The following VOPP1 variants were observed in gnomAD, a reference collection of about 807,000 sequenced individuals.
VOPP1 encodes the protein VOPP1 WW domain binding protein, also known as WW domain binding protein VOPP1.
In VOPP1, 8 loss-of-function variants were observed where a neutral mutation model predicts 23.5. That is an observed-to-expected ratio of 0.34 (90% CI 0.20 to 0.61). VOPP1 has a LOEUF of 0.61. Among genes scored for constraint, VOPP1 ranks in the 20% least tolerant of loss-of-function variants. The pLI is 0.78. For synonymous variants in VOPP1, 83 were observed against 97.3 expected (o/e 0.85, Z 0.86); for missense variants, 174 against 238.1 (o/e 0.73, Z 1.77).
chr7:55,526,975 A>G (rs1796228404), intron 1 of VOPP1: 1 of 152,248 alleles, frequency 6.6e-6, no homozygotes, highest in Non-Finnish European at 1.5e-5. Flanking sequence ...TTTCAGCTTG[A>G]GCCCAATTAG....
At chr7:55,477,500 C>A (rs1055099424) in intron 4 of VOPP1, among the ~76,000 whole-genome samples, 1 of 152,210 alleles carries the variant, frequency 6.6e-6, no homozygotes, top group African/African-American at 2.4e-5. Context: ...AAGGCCGTGG[C>A]TCCTGTCGAG....
chr7:55,570,845 A>C (rs980786435), intron 1 of VOPP1, among the ~76,000 whole-genome samples: 1 of 152,036 alleles, frequency 6.6e-6, no homozygotes, highest in African/African-American at 2.4e-5. Context: ...GGGAGGCTGA[A>C]GCAGGAGAAT....
At chr7:55,547,822 T>G (rs116977725) in intron 1 of VOPP1, among the ~76,000 whole-genome samples, 1,649 of 152,296 alleles carry the variant, frequency 0.011, 11 homozygotes, top group Middle Eastern at 0.02. Flanking sequence ...TCTTTTCCAT[T>G]TTACCACACT....
intron 1 of VOPP1, chr7:55,562,085 G>C (rs1442391493): frequency 5.7e-6 from 4 of 702,790 alleles, no homozygotes; most frequent in African/African-American, 1.7e-5. Flanking sequence ...GGCTCCAGGT[G>C]CAGGTAATTG....
In VOPP1 at chr7:55,472,950, G is replaced by A. The variant is rs764361423; in HGVS notation, c.424C>T (p.Pro142Ser). 1.8e-5 allele frequency: 28 copies of A among 1,586,376 alleles called. No individual in the cohort carries two copies. Among genetic ancestry groups the A allele is most frequent in the Admixed American group, 5.6e-5 (3 of 53,184 alleles). The change falls in exon 5 of 5, where the codon CCC (proline) becomes TCC (serine). Residue 142 changes from proline (P) to serine (S), a missense_variant. Transcript: ENST00000285279. The stretch of plus-strand genomic sequence containing the variant: ...GCCACACTCCCCTGGGGTGAGTTGG[G>A]TGGGACCTGGAAAGCCATTGCCATG... Reference protein sequence around the residue: ...NSMAMAFQVPPNSPQGSVACP... With the variant: ...NSMAMAFQVPSNSPQGSVACP...
downstream of VOPP1, among the ~76,000 whole-genome samples, chr7:55,435,239 G>T (rs944312186): frequency 1.3e-5 from 2 of 152,158 alleles, no homozygotes; most frequent in African/African-American, 4.8e-5. Context: ...TGGAGAGAGG[G>T]TTCCCAGTTT....
chr7:55,512,100 A>G (rs1172001494), intron 2 of VOPP1, among the ~76,000 whole-genome samples: 2 of 152,176 alleles, frequency 1.3e-5, no homozygotes, highest in African/African-American at 4.8e-5. Context: ...TTGTATACTG[A>G]TTTAGAAGCA....
chr7:55,555,954 C>T (rs1318695317), intron 1 of VOPP1, among the ~76,000 whole-genome samples: 1 of 152,158 alleles, frequency 6.6e-6, no homozygotes, highest in African/African-American at 2.4e-5. Context: ...CACTTGTTTT[C>T]TTTTCCATGT....
chr7:55,498,623 C>G (rs1376687701), intron 2 of VOPP1, among the ~76,000 whole-genome samples: 1 of 152,204 alleles, frequency 6.6e-6, no homozygotes, highest in East Asian at 1.9e-4. Flanking sequence ...AGGGCCACTT[C>G]TCTACAATAT....
intron 2 of VOPP1, among the ~76,000 whole-genome samples, chr7:55,509,248 T>C (rs1419912349): frequency 6.6e-6 from 1 of 152,184 alleles, no homozygotes; most frequent in Non-Finnish European, 1.5e-5. Context: ...TTGGTCTTAG[T>C]CCATTCAGGC....
At chr7:55,473,249 A>G (rs370109487) in intron 4 of VOPP1, among the ~76,000 whole-genome samples, 4 of 152,266 alleles carry the variant, frequency 2.6e-5, no homozygotes, top group African/African-American at 2.4e-5. Context: ...CGGGGCTTTG[A>G]TTCTACTGGA....
At chr7:55,570,721 C>T (rs1021962767) in intron 1 of VOPP1, among the ~76,000 whole-genome samples, 1 of 152,150 alleles carries the variant, frequency 6.6e-6, no homozygotes. Context: ...GCGGGCGGAT[C>T]ACCTGAGGTC....
intron 2 of VOPP1, among the ~76,000 whole-genome samples, chr7:55,503,043 T>C (rs1794478237): frequency 6.6e-6 from 1 of 152,216 alleles, no homozygotes; most frequent in African/African-American, 2.4e-5. Context: ...CATGGGCCCC[T>C]GGACTTACTG....
At chr7:55,461,957 A>G (rs1277361896) in intron 4 of VOPP1, among the ~76,000 whole-genome samples, 1 of 151,996 alleles carries the variant, frequency 6.6e-6, no homozygotes, top group Non-Finnish European at 1.5e-5. Flanking sequence ...TCATGTTTTC[A>G]TGATGCAAAT....
intron 2 of VOPP1, among the ~76,000 whole-genome samples, chr7:55,499,717 G>A (rs916119320): frequency 6.6e-6 from 1 of 152,172 alleles, no homozygotes; most frequent in Non-Finnish European, 1.5e-5. Flanking sequence ...GTCTGCCAAT[G>A]AGGGAAGCTG....
rs541666619 is a variant in VOPP1, at chr7:55,457,141, G to A, written n.418-20967C>T. On this transcript the variant is annotated intron_variant and non_coding_transcript_variant, in intron 4 of 4. Coordinates refer to the VOPP1 transcript ENST00000462326. ...GTAATTATCAATCTTCCTTCTACTC[G>A]CATGAGATCACCTTTTTTAGCTCCC... is the stretch of plus-strand genomic sequence containing the variant. 1.6e-4 allele frequency among the ~76,000 whole-genome samples: 24 copies of A among 151,922 alleles called. No homozygotes were observed. In the South Asian group the frequency reaches 2.5e-3, roughly 16 times the overall value.
At chr7:55,540,884 T>C (rs1797105016) in intron 1 of VOPP1, among the ~76,000 whole-genome samples, 1 of 152,072 alleles carries the variant, frequency 6.6e-6, no homozygotes, top group Non-Finnish European at 1.5e-5. Flanking sequence ...CTTACATAAA[T>C]ACCATTTTAA....
intron 1 of VOPP1, chr7:55,521,897 A>C: frequency 5.1e-6 from 5 of 985,684 alleles, no homozygotes; most frequent in Non-Finnish European, 6.0e-6. Context: ...CATCTGAACA[A>C]GGCTTTTCTA....
intron 1 of VOPP1, 83 bp downstream of exon 1, chr7:55,572,188 T>C (rs907512112): frequency 2.5e-6 from 3 of 1,210,088 alleles, no homozygotes; most frequent in Non-Finnish European, 2.3e-6. Context: ...CAAGGTCCTC[T>C]GGGGCGCCTC....
Sources: allele counts gnomAD v4.1 joint callset (sites outside exome capture counted in the v4.1 genomes callset), GRCh38; gene constraint gnomAD v4.1.1; transcripts MANE v1.5; gene names NCBI Gene and HGNC (gene_info 2026-07-23, HGNC 2026-07-21).